Variants in CACNG3 observed in about 807,000 individuals in gnomAD.
CACNG3 encodes the protein calcium voltage-gated channel auxiliary subunit gamma 3, also known as voltage-dependent calcium channel gamma-3 subunit.
A neutral mutation model predicts 28.5 loss-of-function variants in CACNG3; 3 were observed. That is an observed-to-expected ratio of 0.11 (90% CI 0.05 to 0.27). CACNG3 has a LOEUF of 0.27. CACNG3 is among the 10% of genes least tolerant of loss of function. CACNG3 has a pLI of 1.00. For missense variants in CACNG3, 236 were observed against 414.4 expected, an observed-to-expected ratio of 0.57 and a Z score of 3.74; for synonymous variants, 174 against 162.2, an observed-to-expected ratio of 1.07 and a Z score of -0.55.
rs1395451139 is a variant in CACNG3 at position 24,352,522 on chromosome 16, TTG to T, written c.296-2309_296-2308del. Among the ~76,000 whole-genome samples the T allele has an allele frequency of 9.8e-4, 88 of 90,166 alleles. 5 individuals carry two copies. Among genetic ancestry groups the T allele is most frequent in the Non-Finnish European group, 9.2e-4 (40 of 43,446 alleles). The allele number at this position is 90,166 out of a possible 152,430, so 59.2% of individuals were successfully genotyped here. On this transcript the variant is annotated intron_variant, in intron 2 of 3. Coordinates refer to ENST00000005284, the MANE Select transcript of CACNG3 (RefSeq NM_006539.4). ...TTTTGCCTGGGTTATGGGGTTTTTT[TTG>T]TTGTTGTTGTTTGTTTGTTTGTTTG... is the stretch of plus-strand genomic sequence containing the variant.
intron 1 of CACNG3, among the ~76,000 whole-genome samples, chr16:24,335,778 C>G (rs186184153): frequency 2.4e-4 from 36 of 152,150 alleles, no homozygotes; most frequent in African/African-American, 7.2e-4. Flanking sequence ...ATGATGATTT[C>G]TTTTGAAACC....
intron 1 of CACNG3, among the ~76,000 whole-genome samples, chr16:24,326,927 A>T (rs890967526): frequency 3.0e-4 from 45 of 152,084 alleles, no homozygotes; most frequent in Non-Finnish European, 1.9e-4. Context: ...ATCCTGAACC[A>T]GTCTAGCTAA....
At chr16:24,327,852 A>C (rs936466123) in intron 1 of CACNG3, among the ~76,000 whole-genome samples, 6 of 152,008 alleles carry the variant, frequency 3.9e-5, no homozygotes, top group Middle Eastern at 3.4e-3. Flanking sequence ...TGAGGCAGGA[A>C]AATCACTTGA....
intron 1 of CACNG3, among the ~76,000 whole-genome samples, chr16:24,307,773 C>G (rs1206733563): frequency 6.6e-6 from 1 of 152,170 alleles, no homozygotes; most frequent in African/African-American, 2.4e-5. Context: ...ACTGGAGGTC[C>G]CCATGCATAA....
intron 1 of CACNG3, among the ~76,000 whole-genome samples, chr16:24,292,971 G>T (rs1350110292): frequency 6.6e-6 from 1 of 152,156 alleles, no homozygotes; most frequent in Non-Finnish European, 1.5e-5. Context: ...GATTGGAAAG[G>T]CAGCAGACAG....
intron 1 of CACNG3, among the ~76,000 whole-genome samples, chr16:24,266,283 G>A (rs1031913449): frequency 1.3e-5 from 2 of 152,188 alleles, no homozygotes; most frequent in Non-Finnish European, 2.9e-5. Flanking sequence ...ACCCACCACA[G>A]GCAGCTGGTG....
In CACNG3 at chr16:24,256,975, A is replaced by C. The variant is rs114630582; in HGVS notation, c.211+10A>C. 1,698 of 1,533,830 alleles carry C rather than the reference A, an allele frequency of 1.1e-3. 14 individuals carry two copies. The African/African-American group carries it at 0.019, about 17-fold the overall frequency. On this transcript the variant is annotated intron_variant, in intron 1 of 3. Transcript: ENST00000005284. The surrounding 1 kb of genome is among the most constrained non-coding windows in gnomAD (Gnocchi z 4.6). ...ACCTGCTGCCTAGAAGGTATTTACA[A>C]TTTCCTCTCAATAGCTCTGAATAAT...
At position 24,305,320 on chromosome 16, in the gene CACNG3, ATGTGTGTGTGTG is replaced by A. The variant is rs57584370; in HGVS notation, c.212-41378_212-41367del. Reference sequence around the variant, plus strand: ...TATATACAAACTTATATACATAAATATGTGTGTGTGTGTGTGTGTGTGTGTGTGTGTGTGTGT... The same window carrying A: ...TATATACAAACTTATATACATAAATATGTGTGTGTGTGTGTGTGTGTGTGT... On this transcript the variant is annotated intron_variant, in intron 1 of 3. Coordinates refer to ENST00000005284, the MANE Select transcript of CACNG3 (RefSeq NM_006539.4). Among the ~76,000 whole-genome samples the A allele has an allele frequency of 4.1e-3, 554 of 136,212 alleles. 6 individuals are homozygous for A. The highest frequency in any genetic ancestry group is 0.013 in the African/African-American group (473 of 36,662). 89.4% of individuals were successfully genotyped at this position (136,212 alleles called of 152,430 possible).
chr16:24,280,144 A>C (rs1364998887), intron 1 of CACNG3, among the ~76,000 whole-genome samples: 2 of 152,256 alleles, frequency 1.3e-5, no homozygotes, highest in African/African-American at 4.8e-5. Context: ...GGTCACTGCC[A>C]GTCTAATTAG....
intron 1 of CACNG3, among the ~76,000 whole-genome samples, chr16:24,318,609 A>G (rs546757509): frequency 6.6e-6 from 1 of 152,258 alleles, no homozygotes; most frequent in East Asian, 1.9e-4. Context: ...CTCTGGTCAT[A>G]CTATGGCACC....
intron 1 of CACNG3, among the ~76,000 whole-genome samples, chr16:24,316,786 C>T (rs1158734745): frequency 6.6e-6 from 1 of 152,202 alleles, no homozygotes; most frequent in African/African-American, 2.4e-5. Flanking sequence ...CCCCCAAGTT[C>T]CTGACACAGT....
intron 1 of CACNG3, among the ~76,000 whole-genome samples, chr16:24,282,315 G>A (rs1898840051): frequency 6.6e-6 from 1 of 152,068 alleles, no homozygotes; most frequent in South Asian, 2.1e-4. Flanking sequence ...AAACGTTTGG[G>A]AGGCCACACA....
At chr16:24,301,461 C>A (rs530829583) in intron 1 of CACNG3, among the ~76,000 whole-genome samples, 1 of 152,284 alleles carries the variant, frequency 6.6e-6, no homozygotes, top group South Asian at 2.1e-4. Flanking sequence ...ACTCAGTCAA[C>A]TTGTCTATGA....
intron 2 of CACNG3, among the ~76,000 whole-genome samples, chr16:24,353,490 G>A (rs146729467): frequency 3.1e-4 from 47 of 152,190 alleles, no homozygotes; most frequent in African/African-American, 1.1e-3. Flanking sequence ...AACCACATGG[G>A]GCCCCTCTCC....
intron 1 of CACNG3, among the ~76,000 whole-genome samples, chr16:24,295,179 T>G (rs904453613): frequency 1.3e-5 from 2 of 152,172 alleles, no homozygotes; most frequent in Admixed American, 1.3e-4. Context: ...CACTCTGGGC[T>G]CTAAGTGGTC....
intron 2 of CACNG3, among the ~76,000 whole-genome samples, chr16:24,351,139 G>C (rs1899933711): frequency 6.6e-6 from 1 of 152,134 alleles, no homozygotes; most frequent in Non-Finnish European, 1.5e-5. Flanking sequence ...GTTAAGGGTT[G>C]ATATAGCCAG....
intron 1 of CACNG3, among the ~76,000 whole-genome samples, chr16:24,342,784 C>T (rs1348885517): frequency 6.6e-6 from 1 of 151,994 alleles, no homozygotes; most frequent in African/African-American, 2.4e-5. Flanking sequence ...TTGCAGGTCA[C>T]AAATAATATT....
chr16:24,354,439 G>A (rs1900001589), intron 2 of CACNG3, among the ~76,000 whole-genome samples: 1 of 152,026 alleles, frequency 6.6e-6, no homozygotes, highest in South Asian at 2.1e-4. Context: ...GGCTGAGGAG[G>A]GAGAATGGGC....
At chr16:24,270,530 T>C (rs940934809) in intron 1 of CACNG3, among the ~76,000 whole-genome samples, 2 of 152,226 alleles carry the variant, frequency 1.3e-5, no homozygotes, top group African/African-American at 4.8e-5. Flanking sequence ...TAATAATTGC[T>C]CTTTTCTGCT....
Sources: gnomAD v4.1 joint callset for allele counts (sites outside exome capture counted in the v4.1 genomes callset) on GRCh38, gnomAD v4.1.1 for gene constraint, Gnocchi (gnomAD v3.1) non-coding constraint, MANE v1.5 for transcripts, NCBI Gene and HGNC (gene_info 2026-07-23, HGNC 2026-07-21) for gene names.